The following LHX8 variants were observed in gnomAD, a reference collection of about 807,000 sequenced individuals.
The protein encoded by LHX8 is LIM homeobox 8, also known as LIM/homeobox protein Lhx8.
Under a neutral mutation model 40.3 loss-of-function variants are expected in LHX8, and 12 were observed. The ratio of observed to expected loss-of-function variants is 0.30; its 90% CI spans 0.19 to 0.48. The LOEUF (loss-of-function observed/expected upper bound fraction) is 0.48, where lower values mean the gene tolerates loss of function less well. LHX8 is among the 20% of genes least tolerant of loss of function. LHX8 has a pLI of 0.99. For synonymous variants in LHX8, 179 were observed against 162.0 expected (o/e 1.10, Z -0.80); for missense variants, 344 against 433.7 (o/e 0.79, Z 1.84).
intron 3 of LHX8, among the ~76,000 whole-genome samples, chr1:75,138,848 C>G (rs929714973): frequency 1.3e-5 from 2 of 152,060 alleles, no homozygotes; most frequent in Non-Finnish European, 2.9e-5. Context: ...TTACATAAAG[C>G]TTTCCTTTGT....
the LHX8 span, among the ~76,000 whole-genome samples, chr1:75,168,594 A>G: frequency 1.3e-5 from 2 of 151,944 alleles, no homozygotes; most frequent in African/African-American, 4.8e-5. Flanking sequence ...AAGAGAGAGG[A>G]CGCACAGGAA....
At position 75,143,963 on chromosome 1, in the gene LHX8, G is replaced by A; in HGVS notation, c.684+15G>A. The A allele has an allele frequency of 6.2e-7, 1 of 1,608,304 alleles. No homozygotes were observed. The highest frequency in any genetic ancestry group is 8.5e-7 in the Non-Finnish European group (1 of 1,175,446). On this transcript the variant is annotated intron_variant, in intron 6 of 8. Coordinates refer to ENST00000356261, the MANE Select transcript of LHX8 (RefSeq NM_001256114.2). ...ATCAGCTTCAGGTAAGCATAACAATGAATTTTTTATTTTTGAAGCCCCTCC... is the reference window on the plus strand; with the variant it reads ...ATCAGCTTCAGGTAAGCATAACAATAAATTTTTTATTTTTGAAGCCCCTCC...
upstream of LHX8, chr1:75,130,546 G>A: frequency 4.1e-6 from 3 of 733,168 alleles, no homozygotes; most frequent in South Asian, 4.5e-5. Flanking sequence ...AGAGAGACCA[G>A]TGGGTCCCAG....
the LHX8 span, among the ~76,000 whole-genome samples, chr1:75,172,383 A>G: frequency 1.3e-5 from 2 of 152,216 alleles, no homozygotes; most frequent in Admixed American, 1.3e-4. Flanking sequence ...GATTGTAGCC[A>G]CTGTTGAATT....
At chr1:75,141,204 A>G in intron 4 of LHX8, 98 bp downstream of exon 4, 1 of 1,326,528 alleles carries the variant, frequency 7.5e-7, no homozygotes, top group East Asian at 2.4e-5. Context: ...TATTTAATGA[A>G]GCCCAGTTTT....
At chr1:75,193,290 T>C in the LHX8 span, among the ~76,000 whole-genome samples, 3 of 152,282 alleles carry the variant, frequency 2.0e-5, no homozygotes, top group South Asian at 6.2e-4. Context: ...CACATTTCTC[T>C]CCTGTCTCCT....
chr1:75,163,044 CAAG>C (rs1648962503), downstream of LHX8, among the ~76,000 whole-genome samples: 1 of 143,308 alleles, frequency 7.0e-6, no homozygotes, highest in Admixed American at 7.1e-5. Context: ...CAATTCAAAT[CAAG>C]AATCCCATTC....
chr1:75,192,254 G>C, the LHX8 span, among the ~76,000 whole-genome samples: 1 of 152,326 alleles, frequency 6.6e-6, no homozygotes, highest in Non-Finnish European at 1.5e-5. Context: ...CCGATACCAA[G>C]TATATTCTGA....
intron 1 of LHX8, among the ~76,000 whole-genome samples, chr1:75,136,365 GC>G (rs1648128015): frequency 2.6e-5 from 4 of 151,954 alleles, no homozygotes; most frequent in Admixed American, 2.6e-4. Context: ...GAGACCCGGA[GC>G]CCGGGGAGCG....
chr1:75,143,614 G>C (rs909066054), intron 5 of LHX8, among the ~76,000 whole-genome samples: 1 of 152,096 alleles, frequency 6.6e-6, no homozygotes, highest in African/African-American at 2.4e-5. Context: ...TATTTGCTGG[G>C]CCTTAGATGT....
intron 1 of LHX8, 45 bp from the exon 2 acceptor site, chr1:75,136,558 C>T (rs535110504): frequency 7.1e-7 from 1 of 1,407,048 alleles, no homozygotes; most frequent in African/African-American, 1.4e-5. Context: ...ACGCTCGGAA[C>T]TTCTGATCTG....
the LHX8 span, among the ~76,000 whole-genome samples, chr1:75,172,150 A>G: frequency 2.6e-5 from 4 of 152,146 alleles, no homozygotes; most frequent in African/African-American, 9.7e-5. Flanking sequence ...TATTCATCAA[A>G]TGGCATTTTA....
At chr1:75,192,696 T>G in the LHX8 span, among the ~76,000 whole-genome samples, 1 of 152,032 alleles carries the variant, frequency 6.6e-6, no homozygotes, top group Non-Finnish European at 1.5e-5. Flanking sequence ...TGCTTTTGTT[T>G]GTTTGTTTGT....
At chr1:75,194,277 A>G in the LHX8 span, among the ~76,000 whole-genome samples, 2 of 152,154 alleles carry the variant, frequency 1.3e-5, no homozygotes, top group Non-Finnish European at 1.5e-5. Context: ...GACCCAAATA[A>G]TAAGGCTGGC....
At chr1:75,130,596 T>A (rs1647935813), upstream of LHX8, 3 of 940,690 alleles carry the variant, frequency 3.2e-6, no homozygotes, top group South Asian at 3.9e-5. Flanking sequence ...TCCACTGGCG[T>A]GAATAAAAGC....
In LHX8 at chr1:75,134,841, A is replaced by T; in HGVS notation, c.-126A>T. The stretch of plus-strand genomic sequence containing the variant: ...TGGCAATTTTTTTTTTTTATTACGT[A>T]GTAGCGTTAGTCAGTAATCATTGCA... On this transcript the variant is annotated 5_prime_UTR_variant, in exon 1 of 9. Transcript: ENST00000356261. The T allele has an allele frequency of 1.2e-6, 1 of 827,900 alleles. No homozygotes were observed. 51.3% of individuals were successfully genotyped at this position (827,900 alleles called of 1,614,324 possible).
the LHX8 span, among the ~76,000 whole-genome samples, chr1:75,186,351 A>G: frequency 6.6e-6 from 1 of 152,108 alleles, no homozygotes; most frequent in Non-Finnish European, 1.5e-5. Flanking sequence ...AGACACATAG[A>G]CCAATGGAAC....
At chr1:75,130,498 G>A, upstream of LHX8, 1 of 611,018 alleles carries the variant, frequency 1.6e-6, no homozygotes, top group South Asian at 2.0e-5. Context: ...TTGCCCAGCT[G>A]GGAAGCCCAT....
Position 75,161,185 on chromosome 1 carries a change from G to C in LHX8, c.*290G>C. 2 of 345,078 alleles carry C rather than the reference G, an allele frequency of 5.8e-6. No individual in the cohort carries two copies. The highest frequency in any genetic ancestry group is 5.4e-6 in the Non-Finnish European group (1 of 186,346). The allele number at this position is 345,078 out of a possible 1,614,324, so 21.4% of individuals were successfully genotyped here. On this transcript the variant is annotated 3_prime_UTR_variant, in exon 9 of 9. Coordinates refer to ENST00000356261, the MANE Select transcript of LHX8 (RefSeq NM_001256114.2). Reference sequence around the variant, plus strand: ...TCTGTTAATTTATTTGTCATCAAAAGAGCACTTTGCCTAAAAGAAAGGACT... The same window carrying C: ...TCTGTTAATTTATTTGTCATCAAAACAGCACTTTGCCTAAAAGAAAGGACT...
Sources: gnomAD v4.1 joint callset for allele counts (sites outside exome capture counted in the v4.1 genomes callset) on GRCh38, gnomAD v4.1.1 for gene constraint, MANE v1.5 for transcripts, NCBI Gene and HGNC (gene_info 2026-07-23, HGNC 2026-07-21) for gene names.